Variants in KLHL20 observed in about 807,000 individuals in gnomAD.
KLHL20 encodes the protein kelch-like protein 20.
A neutral mutation model predicts 69.5 loss-of-function variants in KLHL20; 29 were observed. That is an observed-to-expected ratio of 0.42 (90% CI 0.31 to 0.57). The LOEUF is 0.57. KLHL20 is among the 20% of genes least tolerant of loss of function. KLHL20 has a pLI of 0.18. For missense variants in KLHL20, 419 were observed against 776.0 expected (o/e 0.54, Z 5.47); for synonymous variants, 253 against 265.2 (o/e 0.95, Z 0.45).
intron 10 of KLHL20, 59 bp from the exon 11 acceptor site, chr1:173,782,065 T>C: frequency 1.7e-6 from 2 of 1,164,410 alleles, no homozygotes; most frequent in Non-Finnish European, 2.6e-6. Context: ...GAAACCAGTC[T>C]ATAATTTCCT....
chr1:173,734,518 T>A, intron 3 of KLHL20: 1 of 498,760 alleles, frequency 2.0e-6, no homozygotes, highest in Non-Finnish European at 3.6e-6. Flanking sequence ...ATAAAAGTAT[T>A]TAAAAAAAAA....
chr1:173,741,771 A>G, intron 3 of KLHL20: 3 of 1,472,938 alleles, frequency 2.0e-6, no homozygotes, highest in Non-Finnish European at 2.8e-6. Flanking sequence ...TTCCTACTTC[A>G]TGGATGTGGA....
At chr1:173,720,581 GA>G (rs1457012435) in intron 2 of KLHL20, among the ~76,000 whole-genome samples, 1 of 152,162 alleles carries the variant, frequency 6.6e-6, no homozygotes, top group African/African-American at 2.4e-5. Flanking sequence ...TGGAAAGAGG[GA>G]AGAAATTATG....
intron 2 of KLHL20, among the ~76,000 whole-genome samples, chr1:173,732,163 G>A (rs1366610051): frequency 6.6e-6 from 1 of 151,508 alleles, no homozygotes; most frequent in East Asian, 2.0e-4. Flanking sequence ...CGCCACTGCA[G>A]CCCAGCCTCC....
At chr1:173,777,645 T>C (rs1476635338) in intron 10 of KLHL20, among the ~76,000 whole-genome samples, 2 of 152,216 alleles carry the variant, frequency 1.3e-5, no homozygotes, top group African/African-American at 4.8e-5. Flanking sequence ...TATCAAATGC[T>C]TTTTCAGCAT....
chr1:173,758,113 T>C (rs114443760), intron 7 of KLHL20, among the ~76,000 whole-genome samples: 5,671 of 151,822 alleles, frequency 0.037, 131 homozygotes, highest in Middle Eastern at 0.048. Context: ...CTACAAAAAA[T>C]ACAAAAATTT....
chr1:173,728,541 GTC>G (rs1558184016), intron 2 of KLHL20, among the ~76,000 whole-genome samples: 1 of 152,106 alleles, frequency 6.6e-6, no homozygotes, highest in Non-Finnish European at 1.5e-5. Context: ...ATAACAAACT[GTC>G]TCTCAGACCA....
intron 2 of KLHL20, among the ~76,000 whole-genome samples, chr1:173,728,940 C>A (rs946938497): frequency 6.6e-6 from 1 of 152,126 alleles, no homozygotes; most frequent in African/African-American, 2.4e-5. Flanking sequence ...AATCCAGGAG[C>A]TGGTTTTTTG....
intron 3 of KLHL20, among the ~76,000 whole-genome samples, chr1:173,742,496 G>A (rs1672848941): frequency 6.6e-6 from 1 of 151,976 alleles, no homozygotes. Context: ...AATATTGAGG[G>A]ATAAGTGACT....
At position 173,775,854 on chromosome 1, in the gene KLHL20, T is replaced by G. The variant is rs1045150309; in HGVS notation, c.1638+12T>G. On this transcript the variant is annotated intron_variant, in intron 10 of 11. Coordinates refer to ENST00000209884, the MANE Select transcript of KLHL20 (RefSeq NM_014458.4). ...CACGCCGTAGTGGAGTAAGTGGTTA[T>G]GGACACTTAGGTTGCTTCCAAATCT... 4 of 1,612,996 alleles carry G rather than the reference T, an allele frequency of 2.5e-6. No individual in the cohort carries two copies. Among genetic ancestry groups the G allele is most frequent in the Non-Finnish European group, 3.4e-6 (4 of 1,179,102 alleles).
At chr1:173,749,450 G>A (rs1673209583) in intron 3 of KLHL20, among the ~76,000 whole-genome samples, 1 of 152,124 alleles carries the variant, frequency 6.6e-6, no homozygotes, top group Non-Finnish European at 1.5e-5. Context: ...AGTAGATATT[G>A]TGAAGCATTA....
At chr1:173,758,795 GC>G (rs1365770550) in intron 7 of KLHL20, among the ~76,000 whole-genome samples, 3 of 152,226 alleles carry the variant, frequency 2.0e-5, no homozygotes, top group African/African-American at 7.2e-5. Flanking sequence ...GGCCAGAGGA[GC>G]AGGGGATAAA....
At chr1:173,729,653 G>T (rs1358524829) in intron 2 of KLHL20, among the ~76,000 whole-genome samples, 1 of 152,074 alleles carries the variant, frequency 6.6e-6, no homozygotes, top group East Asian at 1.9e-4. Flanking sequence ...TGCAGAAAAG[G>T]CCTGTGACAA....
In KLHL20 at chr1:173,766,284, T is replaced by G. The variant is rs1469141630; in HGVS notation, c.1290T>G (p.Val430=). ...ATGGTGTGTCTTGCCTCAACATTGTTGAGAGGTGATCTTTTTTTTAAGTCA... is the reference window on the plus strand; with the variant it reads ...ATGGTGTGTCTTGCCTCAACATTGTGGAGAGGTGATCTTTTTTTTAAGTCA... ...GQDGVSCLNI[V]ERYDPKENKW... is the part of the protein sequence containing the mutation. Residue 430 remains valine (V), a synonymous_variant, in exon 8 of 12, where the codon GTT becomes GTG. Transcript: ENST00000209884. 6.3e-7 allele frequency: 1 copy of G among 1,583,256 alleles called. No individual in the cohort carries two copies. Among genetic ancestry groups the G allele is most frequent in the Non-Finnish European group, 8.5e-7 (1 of 1,170,476 alleles).
At chr1:173,716,162 C>A (rs1671461981) in intron 2 of KLHL20, 96 bp downstream of exon 2, 3 of 1,109,840 alleles carry the variant, frequency 2.7e-6, no homozygotes, top group Non-Finnish European at 4.0e-6. Context: ...TTACTAAATT[C>A]TGCTTGGAAC....
chr1:173,751,252 T>C lies in KLHL20; in HGVS notation c.598-512T>C, dbSNP rs1673299233. ...AGATAAATTATTGGTGTTTGTAGAT[T>C]CTCACTAGCATATATATTAGAGAGT... is the stretch of plus-strand genomic sequence containing the variant. On this transcript the variant is annotated intron_variant, in intron 3 of 11. Transcript: ENST00000209884. 1.3e-5 allele frequency among the ~76,000 whole-genome samples: 2 copies of C among 152,324 alleles called. 1 individual carries two copies. The highest frequency in any genetic ancestry group is 6.8e-3 in the Middle Eastern group (2 of 294).
At chr1:173,766,533 T>C (rs571736664) in intron 8 of KLHL20, among the ~76,000 whole-genome samples, 3 of 150,666 alleles carry the variant, frequency 2.0e-5, no homozygotes, top group East Asian at 3.9e-4. Flanking sequence ...TTCCAGCTAC[T>C]TGTGGGGCTG....
intron 2 of KLHL20, among the ~76,000 whole-genome samples, chr1:173,726,121 TC>T (rs1400287748): frequency 6.6e-6 from 1 of 151,996 alleles, no homozygotes; most frequent in Non-Finnish European, 1.5e-5. Context: ...GCTCAGAGGG[TC>T]CTACGCCCAC....
chr1:173,762,153 C>T (rs1647350499), intron 7 of KLHL20, among the ~76,000 whole-genome samples: 1 of 151,994 alleles, frequency 6.6e-6, no homozygotes, highest in African/African-American at 2.4e-5. Flanking sequence ...AAAAATGCAA[C>T]CCTCCTATCT....
Sources: gnomAD v4.1 joint callset for allele counts (sites outside exome capture counted in the v4.1 genomes callset) on GRCh38, gnomAD v4.1.1 for gene constraint, MANE v1.5 for transcripts, NCBI Gene and HGNC (gene_info 2026-07-23, HGNC 2026-07-21) for gene names.